Variants in FA2H observed in about 807,000 individuals in gnomAD.
FA2H encodes the protein fatty acid 2-hydroxylase.
A neutral mutation model predicts 44.9 loss-of-function variants in FA2H; 22 were observed. That is an observed-to-expected ratio of 0.49 (90% CI 0.35 to 0.70). The LOEUF (loss-of-function observed/expected upper bound fraction) is 0.70. FA2H is among the 30% of genes least tolerant of loss of function. The probability of loss-of-function intolerance (pLI) is 0.01; values close to 1 mark genes in which losing one functional copy is unlikely to be tolerated. For synonymous variants in FA2H, 243 were observed against 213.2 expected, an observed-to-expected ratio of 1.14 and a Z score of -1.22; for missense variants, 501 against 504.9, an observed-to-expected ratio of 0.99 and a Z score of 0.07.
chr16:74,750,781 G>GTGTGTGTGTGTA (rs1376634373), intron 1 of FA2H, among the ~76,000 whole-genome samples: 6,941 of 151,294 alleles, frequency 0.046, 210 homozygotes, highest in Admixed American at 0.07. Flanking sequence ...GTGTGTGTGT[G>GTGTGTGTGTGTA]TGTGTGTGTT....
At chr16:74,743,465 C>T (rs887982813) in intron 1 of FA2H, among the ~76,000 whole-genome samples, 1 of 152,232 alleles carries the variant, frequency 6.6e-6, no homozygotes, top group African/African-American at 2.4e-5. Flanking sequence ...TTCTGTCCTG[C>T]TCCTGGGAGA....
chr16:74,764,399 C>T (rs572177009), intron 1 of FA2H, among the ~76,000 whole-genome samples: 40 of 152,208 alleles, frequency 2.6e-4, no homozygotes, highest in East Asian at 3.9e-4. Context: ...CAAAAAAGAA[C>T]GAGATCATGT....
intron 6 of FA2H, 54 bp downstream of exon 6, chr16:74,716,293 C>G: frequency 6.3e-7 from 1 of 1,596,074 alleles, no homozygotes; most frequent in South Asian, 1.1e-5. Context: ...TGGTAGTTGG[C>G]AAATAAATCA....
At chr16:74,743,953 T>G (rs1962365037) in intron 1 of FA2H, among the ~76,000 whole-genome samples, 1 of 152,156 alleles carries the variant, frequency 6.6e-6, no homozygotes, top group Non-Finnish European at 1.5e-5. Context: ...GCATTGTTCA[T>G]TAATCGATTT....
At chr16:74,732,142 C>A (rs1962082437) in intron 2 of FA2H, among the ~76,000 whole-genome samples, 1 of 152,232 alleles carries the variant, frequency 6.6e-6, no homozygotes, top group East Asian at 1.9e-4. Context: ...CCTCAGCCTC[C>A]CAAAGTGCTG....
intron 6 of FA2H, 134 bp downstream of exon 6, chr16:74,716,213 A>G (rs1961692006): frequency 1.1e-6 from 1 of 929,322 alleles, no homozygotes; most frequent in Admixed American, 2.4e-5. Context: ...GCACCAGGGA[A>G]GAGAGTAGAG....
At chr16:74,736,682 G>C (rs1229601799) in intron 2 of FA2H, among the ~76,000 whole-genome samples, 1 of 152,220 alleles carries the variant, frequency 6.6e-6, no homozygotes, top group Non-Finnish European at 1.5e-5. Context: ...GGTTATGCCA[G>C]CATCTGGCTT....
intron 1 of FA2H, among the ~76,000 whole-genome samples, chr16:74,756,300 C>T (rs550298935): frequency 6.6e-6 from 1 of 152,178 alleles, no homozygotes; most frequent in Non-Finnish European, 1.5e-5. Flanking sequence ...GCTCCTTCCA[C>T]ACCCCTCCCC....
At chr16:74,724,882 C>T (rs1277458227) in intron 4 of FA2H, among the ~76,000 whole-genome samples, 3 of 152,200 alleles carry the variant, frequency 2.0e-5, no homozygotes. Context: ...CCGGCCGGAG[C>T]TGGTACTGAG....
At position 74,746,316 on chromosome 16, in the gene FA2H, G is replaced by A. The variant is rs572651856; in HGVS notation, c.271-6201C>T. ...ACTTCGTTGCCCAGGCTGGAGTGGA[G>A]TGGTGTGATCATGGCTTGCTGCAGC... On this transcript the variant is annotated intron_variant, in intron 1 of 6. Coordinates refer to ENST00000219368, the MANE Select transcript of FA2H (RefSeq NM_024306.5). Among the ~76,000 whole-genome samples, 169 of 151,792 alleles carry A rather than the reference G, an allele frequency of 1.1e-3. 1 individual carries two copies. Among genetic ancestry groups the A allele is most frequent in the Admixed American group, 1.8e-3 (27 of 15,236 alleles).
At chr16:74,759,589 T>C (rs566041483) in intron 1 of FA2H, among the ~76,000 whole-genome samples, 329 of 152,350 alleles carry the variant, frequency 2.2e-3, no homozygotes, top group African/African-American at 7.6e-3. Flanking sequence ...GAAACCTAGA[T>C]AGAAGGAGCA....
At chr16:74,745,782 C>T (rs780468340) in intron 1 of FA2H, among the ~76,000 whole-genome samples, 2 of 148,936 alleles carry the variant, frequency 1.3e-5, no homozygotes, top group Non-Finnish European at 3.0e-5. Flanking sequence ...AGGATGGTAT[C>T]GAGTCACTGT....
At chr16:74,748,069 A>G (rs1435040361) in intron 1 of FA2H, among the ~76,000 whole-genome samples, 2 of 152,146 alleles carry the variant, frequency 1.3e-5, no homozygotes, top group African/African-American at 4.8e-5. Flanking sequence ...CCGCAGGGGC[A>G]GGCCACACAG....
Position 74,774,577 on chromosome 16 carries a change from G to A in FA2H, c.179C>T (p.Ala60Val). Reference sequence around the variant, plus strand: ...CCTGTGCGGCGGCCCGTCCAGGTCGGCGCTGATGTCCTGGCCCGCCCTGGC... The same window carrying A: ...CCTGTGCGGCGGCCCGTCCAGGTCGACGCTGATGTCCTGGCCCGCCCTGGC... ...LRARAGQDIS[A>V]DLDGPPHRHS... is the part of the protein sequence containing the mutation. Residue 60 changes from alanine (A) to valine (V), a missense_variant, in exon 1 of 7, where the codon GCC becomes GTC. By Grantham distance (64) the Ala-to-Val change is moderately conservative (BLOSUM62 0). Transcript: ENST00000219368. The A allele has an allele frequency of 6.5e-7, 1 of 1,539,886 alleles. No homozygotes were observed. The highest frequency in any genetic ancestry group is 8.7e-7 in the Non-Finnish European group (1 of 1,152,890).
intron 4 of FA2H, among the ~76,000 whole-genome samples, chr16:74,725,777 C>T (rs1160762441): frequency 6.6e-6 from 1 of 152,196 alleles, no homozygotes; most frequent in Admixed American, 6.5e-5. Flanking sequence ...TGGACACACT[C>T]TAGGACACTC....
intron 2 of FA2H, among the ~76,000 whole-genome samples, chr16:74,737,363 C>T (rs1962202723): frequency 6.6e-6 from 1 of 152,160 alleles, no homozygotes; most frequent in African/African-American, 2.4e-5. Flanking sequence ...ATAAGGAAGC[C>T]TGGACCCTGC....
chr16:74,732,095 G>A (rs890493830), intron 2 of FA2H, among the ~76,000 whole-genome samples: 1 of 151,776 alleles, frequency 6.6e-6, no homozygotes, highest in Non-Finnish European at 1.5e-5. Flanking sequence ...TGTTGTGTAG[G>A]CTGGTCTCGA....
intron 2 of FA2H, among the ~76,000 whole-genome samples, chr16:74,731,927 C>T (rs146608108): frequency 8.5e-4 from 129 of 152,292 alleles, no homozygotes; most frequent in Middle Eastern, 6.8e-3. Context: ...AGTGAGAGTG[C>T]GGTGGCATGG....
intron 1 of FA2H, among the ~76,000 whole-genome samples, chr16:74,754,332 G>T (rs1297788502): frequency 6.6e-6 from 1 of 152,114 alleles, no homozygotes; most frequent in Non-Finnish European, 1.5e-5. Context: ...GGAGGTGGAG[G>T]TTGCAGTGAG....
Sources: allele counts gnomAD v4.1 joint callset (sites outside exome capture counted in the v4.1 genomes callset), GRCh38; gene constraint gnomAD v4.1.1; transcripts MANE v1.5; gene names NCBI Gene and HGNC (gene_info 2026-07-23, HGNC 2026-07-21).